TMED10: variants seen among roughly 807,000 people sequenced by gnomAD.
The protein encoded by TMED10 is transmembrane emp24 domain-containing protein 10.
Under a neutral mutation model 23.1 loss-of-function variants are expected in TMED10, and 7 were observed. The ratio of observed to expected loss-of-function variants is 0.30; its 90% confidence interval spans 0.17 to 0.57. TMED10 has a LOEUF of 0.57. TMED10 is among the 20% of genes least tolerant of loss of function. The pLI is 0.91. For synonymous variants in TMED10, 113 were observed against 106.9 expected (o/e 1.06, Z -0.35); for missense variants, 162 against 274.8 (o/e 0.59, Z 2.90).
In TMED10 at chr14:75,138,812, C is replaced by CTTTTTTTTT. The variant is rs59707221; in HGVS notation, c.412-2935_412-2927dup. On this transcript the variant is annotated intron_variant, in intron 3 of 4. Coordinates refer to ENST00000303575, the MANE Select transcript of TMED10 (RefSeq NM_006827.6). Reference sequence around the variant, plus strand: ...CTACTGAATCCCACAGCCTTTGCTTCTTTTTTTTTTTTTTTTTTTTATTTT... The same window carrying CTTTTTTTTT: ...CTACTGAATCCCACAGCCTTTGCTTCTTTTTTTTTTTTTTTTTTTTTTTTTTTTTATTTT... Among the ~76,000 whole-genome samples the CTTTTTTTTT allele has an allele frequency of 1.8e-3, 167 of 94,996 alleles. 1 individual carries two copies. The highest frequency in any genetic ancestry group is 3.4e-3 in the African/African-American group (95 of 27,616). 62.3% of individuals were successfully genotyped at this position (94,996 alleles called of 152,430 possible). A position where few individuals can be genotyped will look rare whatever the true frequency, so the allele number is the denominator to read the frequency against.
chr14:75,166,939 C>CTTT (rs35308116), intron 1 of TMED10, among the ~76,000 whole-genome samples: 4 of 114,558 alleles, frequency 3.5e-5, no homozygotes, highest in Non-Finnish European at 7.2e-5. Context: ...CATCCTATTC[C>CTTT]TTTTTTTTTT....
At chr14:75,164,415 T>A (rs1017927615) in intron 1 of TMED10, among the ~76,000 whole-genome samples, 3 of 149,366 alleles carry the variant, frequency 2.0e-5, no homozygotes, top group Non-Finnish European at 4.4e-5. Flanking sequence ...ATTTTTTAAG[T>A]AGAGATAGGG....
chr14:75,173,266 A>G (rs1375463165), intron 1 of TMED10, among the ~76,000 whole-genome samples: 1 of 152,128 alleles, frequency 6.6e-6, no homozygotes, highest in Non-Finnish European at 1.5e-5. Context: ...ATGTGCCTGT[A>G]ATCCCAGCTA....
At chr14:75,172,437 C>T (rs1896245868) in intron 1 of TMED10, among the ~76,000 whole-genome samples, 1 of 152,012 alleles carries the variant, frequency 6.6e-6, no homozygotes, top group African/African-American at 2.4e-5. Flanking sequence ...CCTAGAGCAG[C>T]TGGGATTACA....
rs188088142 is a variant in TMED10, at chr14:75,131,789, T to C, written c.*3096A>G. On this transcript the variant is annotated 3_prime_UTR_variant, in exon 5 of 5. Coordinates refer to ENST00000303575, the MANE Select transcript of TMED10 (RefSeq NM_006827.6). ...TTTTAGATAAAACCAAAGTATAATA[T>C]CAATTAACTTTTAAACCAAAAGCAC... 3.2e-4 allele frequency: 48 copies of C among 152,346 alleles called. No individual in the cohort carries two copies. Among genetic ancestry groups the C allele is most frequent in the African/African-American group, 8.4e-4 (35 of 41,578 alleles). The allele number at this position is 152,346 out of a possible 1,614,324, so 9.4% of individuals were successfully genotyped here. A position where few individuals can be genotyped will look rare whatever the true frequency, so the allele number is the denominator to read the frequency against.
intron 1 of TMED10, among the ~76,000 whole-genome samples, chr14:75,161,523 G>A (rs984743680): frequency 2.0e-5 from 3 of 152,090 alleles, no homozygotes; most frequent in Admixed American, 6.5e-5. Context: ...AAGTAACCAC[G>A]AACAACAATT....
chr14:75,151,038 G>A (rs1895949941), intron 2 of TMED10, among the ~76,000 whole-genome samples: 1 of 152,030 alleles, frequency 6.6e-6, no homozygotes, highest in Non-Finnish European at 1.5e-5. Context: ...GAGTAGCTGG[G>A]ATTACAGGCA....
At chr14:75,174,377 A>G (rs1896273345) in intron 1 of TMED10, among the ~76,000 whole-genome samples, 1 of 152,190 alleles carries the variant, frequency 6.6e-6, no homozygotes, top group South Asian at 2.1e-4. Context: ...TAAACTATCA[A>G]TAAGCAATAG....
intron 1 of TMED10, among the ~76,000 whole-genome samples, chr14:75,156,369 T>A (rs1340148737): frequency 1.3e-5 from 2 of 152,098 alleles, no homozygotes; most frequent in Non-Finnish European, 2.9e-5. Flanking sequence ...TAGTAACCCA[T>A]GAACTGAAGA....
At chr14:75,164,561 ATATATATATATATATATT>A (rs1358665337) in intron 1 of TMED10, among the ~76,000 whole-genome samples, 190 of 14,372 alleles carry the variant, frequency 0.013, 5 homozygotes, top group African/African-American at 0.034. Context: ...ATATATATAT[ATATATATATATATATATT>A]TTTTTTTTTT....
At chr14:75,154,787 C>G (rs550757616) in intron 1 of TMED10, among the ~76,000 whole-genome samples, 78 of 152,210 alleles carry the variant, frequency 5.1e-4, no homozygotes, top group African/African-American at 1.7e-3. Flanking sequence ...CCCCAGCCTC[C>G]CAAGTGGCTG....
chr14:75,135,017 A>C lies in TMED10; in HGVS notation c.539-11T>G, dbSNP rs774277192. ...GAGTGTTTGTTGACTCTAAAAAAAA[A>C]CAAAAGCATTGTAAACATAATGAAG... On this transcript the variant is annotated splice_polypyrimidine_tract_variant and intron_variant, in intron 4 of 4. Coordinates refer to ENST00000303575, the MANE Select transcript of TMED10 (RefSeq NM_006827.6). 7.6e-5 allele frequency: 122 copies of C among 1,613,656 alleles called. No individual in the cohort carries two copies. Among genetic ancestry groups the C allele is most frequent in the South Asian group, 6.9e-4 (63 of 91,060 alleles).
chr14:75,144,362 A>G (rs1895857592), intron 3 of TMED10, among the ~76,000 whole-genome samples: 1 of 152,244 alleles, frequency 6.6e-6, no homozygotes, highest in Admixed American at 6.5e-5. Context: ...ATAAAATGCA[A>G]GAAATCAAAA....
At chr14:75,159,697 A>G (rs1896064132) in intron 1 of TMED10, among the ~76,000 whole-genome samples, 1 of 152,240 alleles carries the variant, frequency 6.6e-6, no homozygotes. Flanking sequence ...AGTACCTTAC[A>G]AAATGAATTA....
rs189648102 is a variant in TMED10 at position 75,138,901 on chromosome 14, T to C, written c.412-3015A>G. 3.5e-3 allele frequency among the ~76,000 whole-genome samples: 517 copies of C among 149,292 alleles called. 6 individuals are homozygous for C. Among genetic ancestry groups the C allele is most frequent in the African/African-American group, 0.012 (487 of 40,358 alleles). On this transcript the variant is annotated intron_variant, in intron 3 of 4. Coordinates refer to ENST00000303575, the MANE Select transcript of TMED10 (RefSeq NM_006827.6). The stretch of plus-strand genomic sequence containing the variant: ...TAAAACCCGAAAAACAATGATGGAA[T>C]TAAACCTGGTACTGAAGATGGCTTT...
chr14:75,172,298 A>G (rs1231426989), intron 1 of TMED10, among the ~76,000 whole-genome samples: 1 of 151,850 alleles, frequency 6.6e-6, no homozygotes, highest in Non-Finnish European at 1.5e-5. Flanking sequence ...CTGGGTATCA[A>G]GGAATCATTG....
At chr14:75,162,340 A>G (rs899471356) in intron 1 of TMED10, among the ~76,000 whole-genome samples, 1 of 152,224 alleles carries the variant, frequency 6.6e-6, no homozygotes, top group African/African-American at 2.4e-5. Flanking sequence ...ACAGGAACCT[A>G]AAGGGCTCCC....
intron 1 of TMED10, among the ~76,000 whole-genome samples, chr14:75,168,084 T>G (rs1268382502): frequency 1.3e-5 from 2 of 152,132 alleles, no homozygotes; most frequent in African/African-American, 2.4e-5. Context: ...AGGTCTGAAA[T>G]AGAAATCTTT....
intron 1 of TMED10, among the ~76,000 whole-genome samples, chr14:75,164,680 C>T (rs1896139380): frequency 6.9e-6 from 1 of 145,888 alleles, no homozygotes; most frequent in Non-Finnish European, 1.5e-5. Flanking sequence ...GCCTCAGCCT[C>T]CCAAAGTGCT....
Sources: gnomAD v4.1 joint callset for allele counts (sites outside exome capture counted in the v4.1 genomes callset) on GRCh38, gnomAD v4.1.1 for gene constraint, MANE v1.5 for transcripts, NCBI Gene and HGNC (gene_info 2026-07-23, HGNC 2026-07-21) for gene names.